DPP10: variants seen among roughly 807,000 people sequenced by gnomAD.
The protein encoded by DPP10 is inactive dipeptidyl peptidase 10.
In DPP10, 33 loss-of-function variants were observed where a neutral mutation model predicts 120.9. That is an observed-to-expected ratio of 0.27 (90% CI 0.21 to 0.37). The LOEUF (loss-of-function observed/expected upper bound fraction) is 0.37. Among genes scored for constraint, DPP10 ranks in the 10% least tolerant of loss-of-function variants. The probability of loss-of-function intolerance (pLI) is 1.00; values close to 1 mark genes in which losing one functional copy is unlikely to be tolerated. For missense variants in DPP10, 816 were observed against 942.8 expected (o/e 0.87, Z 1.76); for synonymous variants, 337 against 326.1 (o/e 1.03, Z -0.36).
chr2:114,907,620 T>C (rs952616313), intron 1 of DPP10, among the ~76,000 whole-genome samples: 2 of 152,138 alleles, frequency 1.3e-5, no homozygotes, highest in Non-Finnish European at 2.9e-5. Flanking sequence ...ATTTCCTTCT[T>C]ATTGATTTCC....
At chr2:115,331,922 G>T (rs1296083412) in intron 2 of DPP10, among the ~76,000 whole-genome samples, 11 of 152,088 alleles carry the variant, frequency 7.2e-5, no homozygotes, top group Admixed American at 2.0e-4. Context: ...TTGGTATCAG[G>T]ATGATGCTGG....
chr2:114,527,339 C>T (rs1235787400), intron 1 of DPP10, among the ~76,000 whole-genome samples: 2 of 152,110 alleles, frequency 1.3e-5, no homozygotes, highest in Non-Finnish European at 2.9e-5. Context: ...AAGTGAGCAG[C>T]ACATCGCATT....
intron 1 of DPP10, among the ~76,000 whole-genome samples, chr2:114,480,395 A>G (rs1471100792): frequency 2.6e-5 from 4 of 152,228 alleles, no homozygotes; most frequent in East Asian, 3.9e-4. Context: ...TACTATAAAG[A>G]CACATGCACA....
At chr2:115,412,702 A>T (rs1282274235) in intron 3 of DPP10, among the ~76,000 whole-genome samples, 2 of 152,164 alleles carry the variant, frequency 1.3e-5, no homozygotes, top group Non-Finnish European at 2.9e-5. Flanking sequence ...TGTATTTAGG[A>T]TTATTCATCC....
At chr2:114,680,053 A>T (rs948283474) in intron 1 of DPP10, among the ~76,000 whole-genome samples, 3 of 152,000 alleles carry the variant, frequency 2.0e-5, no homozygotes, top group Non-Finnish European at 2.9e-5. Flanking sequence ...TATCTCGAAC[A>T]CTTCTGTTGG....
At chr2:115,285,910 T>C (rs904641571) in intron 1 of DPP10, among the ~76,000 whole-genome samples, 7 of 152,054 alleles carry the variant, frequency 4.6e-5, no homozygotes, top group African/African-American at 1.7e-4. Flanking sequence ...ATCTGTTGTT[T>C]CTTCAATGCC....
chr2:115,385,015 A>G (rs12474916), intron 3 of DPP10, among the ~76,000 whole-genome samples: 3 of 152,058 alleles, frequency 2.0e-5, no homozygotes, highest in African/African-American at 4.8e-5. Context: ...TTCTCATTTT[A>G]TCTTGCTGCC....
At position 115,067,024 on chromosome 2, in the gene DPP10, A is replaced by G. The variant is rs550029624; in HGVS notation, c.61-242215A>G. 9.2e-3 allele frequency among the ~76,000 whole-genome samples: 1,394 copies of G among 152,270 alleles called. 25 individuals carry two copies. The highest frequency in any genetic ancestry group is 0.032 in the African/African-American group (1,330 of 41,554). Reference sequence around the variant, plus strand: ...TTTCCAAAACTAATTCATTCTGCATAACTGCAACTTTATGTCATTTTACCA... The same window carrying G: ...TTTCCAAAACTAATTCATTCTGCATGACTGCAACTTTATGTCATTTTACCA... On this transcript the variant is annotated intron_variant, in intron 1 of 25. Coordinates refer to ENST00000410059, the MANE Select transcript of DPP10 (RefSeq NM_020868.6).
intron 3 of DPP10, among the ~76,000 whole-genome samples, chr2:115,480,003 T>C (rs1425769099): frequency 1.3e-5 from 2 of 152,118 alleles, no homozygotes; most frequent in African/African-American, 4.8e-5. Flanking sequence ...GTACGAGGAA[T>C]GTTGAGAGCT....
intron 2 of DPP10, among the ~76,000 whole-genome samples, chr2:115,312,641 C>G (rs1045907846): frequency 6.6e-6 from 1 of 152,150 alleles, no homozygotes; most frequent in African/African-American, 2.4e-5. Flanking sequence ...TGCACCAAGC[C>G]TTTCTCTTCT....
chr2:115,043,169 A>G (rs1350022394), intron 1 of DPP10, among the ~76,000 whole-genome samples: 1 of 152,210 alleles, frequency 6.6e-6, no homozygotes, highest in African/African-American at 2.4e-5. Context: ...CTGATACTTC[A>G]TGTGCTAATA....
At chr2:115,014,970 A>G (rs571479306) in intron 1 of DPP10, among the ~76,000 whole-genome samples, 4 of 152,102 alleles carry the variant, frequency 2.6e-5, no homozygotes, top group Non-Finnish European at 4.4e-5. Context: ...CAATCAATAG[A>G]AAAAGAGGGA....
intron 1 of DPP10, among the ~76,000 whole-genome samples, chr2:115,154,319 C>A (rs1023109323): frequency 6.6e-6 from 1 of 152,170 alleles, no homozygotes; most frequent in Non-Finnish European, 1.5e-5. Context: ...AAGCTTGGTA[C>A]TTCATAACAC....
intron 19 of DPP10, among the ~76,000 whole-genome samples, chr2:115,798,067 TATA>T (rs1254327452): frequency 6.6e-6 from 1 of 151,950 alleles, no homozygotes; most frequent in Non-Finnish European, 1.5e-5. Flanking sequence ...ATATGAATGA[TATA>T]ATATGGTTTC....
chr2:115,767,251 A>G (rs1336447879), intron 12 of DPP10, among the ~76,000 whole-genome samples: 2 of 152,078 alleles, frequency 1.3e-5, no homozygotes, highest in Non-Finnish European at 2.9e-5. Flanking sequence ...AGAGAATGAC[A>G]AAGATGAGAT....
intron 5 of DPP10, among the ~76,000 whole-genome samples, chr2:115,594,621 CA>C (rs1320881639): frequency 1.3e-5 from 2 of 152,054 alleles, no homozygotes; most frequent in African/African-American, 4.8e-5. Flanking sequence ...GCACAATCTC[CA>C]AAATTAACAG....
rs79449568 is a variant in DPP10 at position 115,279,230 on chromosome 2, C to T, written c.61-30009C>T. Among the ~76,000 whole-genome samples, 1,035 of 152,238 alleles carry T rather than the reference C, an allele frequency of 6.8e-3. 3 individuals are homozygous for T. The highest frequency in any genetic ancestry group is 0.011 in the Non-Finnish European group (780 of 68,022). On this transcript the variant is annotated intron_variant, in intron 1 of 25. Transcript: ENST00000410059. ...ACCATGGGAGGCTGATGCAGTCTCT[C>T]ATGTATGAATTTGAAATAGACACAA...
chr2:115,160,729 A>G (rs1183560649), intron 1 of DPP10, among the ~76,000 whole-genome samples: 1 of 152,164 alleles, frequency 6.6e-6, no homozygotes, highest in Non-Finnish European at 1.5e-5. Flanking sequence ...CATCTGGATG[A>G]ACTGTGGACT....
chr2:114,688,830 C>A (rs187207976), intron 1 of DPP10, among the ~76,000 whole-genome samples: 1 of 151,836 alleles, frequency 6.6e-6, no homozygotes, highest in South Asian at 2.1e-4. Context: ...CTACATGAAT[C>A]ATTACCATCG....
Sources: allele counts gnomAD v4.1 joint callset (sites outside exome capture counted in the v4.1 genomes callset), GRCh38; gene constraint gnomAD v4.1.1; transcripts MANE v1.5; gene names NCBI Gene and HGNC (gene_info 2026-07-23, HGNC 2026-07-21).